CFAP61: variants seen among roughly 807,000 people sequenced by gnomAD.
CFAP61 encodes the protein cilia- and flagella-associated protein 61.
Under a neutral mutation model 135.6 loss-of-function variants are expected in CFAP61, and 107 were observed. The ratio of observed to expected loss-of-function variants is 0.79; its 90% CI spans 0.67 to 0.93. The LOEUF is 0.93. Among genes scored for constraint, CFAP61 ranks in the 40% least tolerant of loss-of-function variants. The pLI is 0.00. For synonymous variants in CFAP61, 575 were observed against 578.5 expected (o/e 0.99, Z 0.09); for missense variants, 1,507 against 1,556.2 (o/e 0.97, Z 0.53).
intron 8 of CFAP61, among the ~76,000 whole-genome samples, chr20:20,129,569 C>T (rs1048161190): frequency 6.0e-5 from 9 of 149,876 alleles, no homozygotes; most frequent in African/African-American, 2.2e-4. Flanking sequence ...TTGATGCTCT[C>T]TCATCTTCCT....
At chr20:20,277,533 G>T in intron 22 of CFAP61, 75 bp downstream of exon 22, 1 of 1,451,914 alleles carries the variant, frequency 6.9e-7, no homozygotes, top group Non-Finnish European at 9.3e-7. Flanking sequence ...GGGTCTGGAA[G>T]ATTGCGGGCA....
At chr20:20,197,405 A>G (rs1438183041) in intron 16 of CFAP61, among the ~76,000 whole-genome samples, 1 of 152,132 alleles carries the variant, frequency 6.6e-6, no homozygotes, top group Admixed American at 6.5e-5. Context: ...CATACCTCCC[A>G]TCCCACTTTA....
chr20:20,181,571 T>C (rs556242389), intron 13 of CFAP61, among the ~76,000 whole-genome samples: 6 of 152,126 alleles, frequency 3.9e-5, no homozygotes, highest in African/African-American at 1.4e-4. Context: ...AGGTGTCATT[T>C]CCTGAGGACT....
intron 13 of CFAP61, among the ~76,000 whole-genome samples, chr20:20,172,525 C>A (rs1226593000): frequency 6.6e-6 from 1 of 152,062 alleles, no homozygotes; most frequent in African/African-American, 2.4e-5. Context: ...ATCATGTTGC[C>A]CAGGCTTATC....
At chr20:20,133,534 T>C (rs1408990266) in intron 8 of CFAP61, among the ~76,000 whole-genome samples, 1 of 151,948 alleles carries the variant, frequency 6.6e-6, no homozygotes, top group Non-Finnish European at 1.5e-5. Flanking sequence ...AGAATCAGAG[T>C]GAGAGGGGGC....
intron 22 of CFAP61, among the ~76,000 whole-genome samples, chr20:20,278,420 A>T (rs542713553): frequency 6.6e-6 from 1 of 152,322 alleles, no homozygotes; most frequent in African/African-American, 2.4e-5. Flanking sequence ...AGGTTAGTAG[A>T]AGCCCTCAGG....
chr20:20,180,637 C>T (rs1569078215), intron 13 of CFAP61, among the ~76,000 whole-genome samples: 1 of 152,138 alleles, frequency 6.6e-6, no homozygotes, highest in Admixed American at 6.5e-5. Flanking sequence ...AAATAACATT[C>T]CACCCAGCAA....
intron 25 of CFAP61, chr20:20,323,358 G>T (rs2057612440): frequency 3.1e-6 from 3 of 965,986 alleles, no homozygotes; most frequent in Non-Finnish European, 3.7e-6. Context: ...AACACAATTT[G>T]TTCCTAAAAG....
At chr20:20,095,394 C>CT (rs1395506328) in intron 7 of CFAP61, among the ~76,000 whole-genome samples, 1 of 152,274 alleles carries the variant, frequency 6.6e-6, no homozygotes, top group East Asian at 1.9e-4. Context: ...TCAAGTTTGT[C>CT]TTTCTGAACA....
rs145830300 is a variant in CFAP61, at chr20:20,141,716, G to A, written c.860-1141G>A. On this transcript the variant is annotated intron_variant, in intron 8 of 26. Coordinates refer to ENST00000245957, the MANE Select transcript of CFAP61 (RefSeq NM_015585.4). ...TAGTGACCCAGATATTTGGGGTTGA[G>A]AGGCATCTGCAGGGGCCATTGTTGT... Among the ~76,000 whole-genome samples the A allele has an allele frequency of 4.8e-4, 73 of 152,318 alleles. No individual in the cohort carries two copies. The East Asian group carries it at 0.013, about 27-fold the overall frequency.
At chr20:20,246,279 T>A in intron 19 of CFAP61, 64 bp downstream of exon 19, 1 of 982,748 alleles carries the variant, frequency 1.0e-6, no homozygotes, top group Non-Finnish European at 1.6e-6. Context: ...GCAGTCTATT[T>A]AATGCTAAAT....
intron 25 of CFAP61, among the ~76,000 whole-genome samples, chr20:20,309,124 G>T (rs919023500): frequency 1.3e-5 from 2 of 152,136 alleles, no homozygotes; most frequent in African/African-American, 4.8e-5. Flanking sequence ...AGCCACCTGG[G>T]CAGTAGGGAT....
At chr20:20,110,651 T>G (rs1274457626) in intron 8 of CFAP61, among the ~76,000 whole-genome samples, 1 of 152,168 alleles carries the variant, frequency 6.6e-6, no homozygotes. Context: ...TTGAAGGTTG[T>G]TGGTGATGGC....
At chr20:20,206,154 A>C (rs2056849315) in intron 17 of CFAP61, among the ~76,000 whole-genome samples, 1 of 152,196 alleles carries the variant, frequency 6.6e-6, no homozygotes, top group Non-Finnish European at 1.5e-5. Flanking sequence ...TTAACATCTT[A>C]GTGTTGTCAG....
chr20:20,342,834 A>G (rs2058494342), intron 26 of CFAP61, among the ~76,000 whole-genome samples: 1 of 152,010 alleles, frequency 6.6e-6, no homozygotes, highest in Non-Finnish European at 1.5e-5. Flanking sequence ...ACTGAAGTTT[A>G]GAGGGGTTTT....
At chr20:20,186,819 A>G (rs2146864170) in intron 13 of CFAP61, among the ~76,000 whole-genome samples, 1 of 152,350 alleles carries the variant, frequency 6.6e-6, no homozygotes, top group East Asian at 1.9e-4. Flanking sequence ...ATTTTATTGT[A>G]TCAGCACGAG....
chr20:20,092,573 A>G (rs994059098), intron 7 of CFAP61, among the ~76,000 whole-genome samples: 1 of 152,234 alleles, frequency 6.6e-6, no homozygotes, highest in African/African-American at 2.4e-5. Context: ...GGAGGCTTTT[A>G]ACTATCCATA....
chr20:20,262,807 T>G (rs1220749305), intron 20 of CFAP61, 149 bp from the exon 21 acceptor site: 9 of 400,416 alleles, frequency 2.2e-5, no homozygotes, highest in South Asian at 1.1e-4. Flanking sequence ...TTTTTGTGTT[T>G]TTTTTTTTTT....
At chr20:20,205,704 A>G (rs1025254187) in intron 17 of CFAP61, among the ~76,000 whole-genome samples, 2 of 152,194 alleles carry the variant, frequency 1.3e-5, no homozygotes, top group Non-Finnish European at 2.9e-5. Context: ...AGGAACAGAC[A>G]TGGGTCCAGG....
Sources: allele counts gnomAD v4.1 joint callset (sites outside exome capture counted in the v4.1 genomes callset), GRCh38; gene constraint gnomAD v4.1.1; transcripts MANE v1.5; gene names NCBI Gene and HGNC (gene_info 2026-07-23, HGNC 2026-07-21).